GBF1: variants seen among roughly 807,000 people sequenced by gnomAD.
GBF1 encodes golgi brefeldin A resistant guanine nucleotide exchange factor 1.
In GBF1, 114 loss-of-function variants were observed where a neutral mutation model predicts 210.5. The ratio of observed to expected loss-of-function variants is 0.54; its 90% CI spans 0.47 to 0.63. The LOEUF (loss-of-function observed/expected upper bound fraction) is 0.63. Ranked by LOEUF, GBF1 falls within the 30% of genes least tolerant of loss-of-function variation. The pLI is 0.00. For missense variants in GBF1, 1,851 were observed against 2,357.7 expected, an observed-to-expected ratio of 0.79 and a Z score of 4.45; for synonymous variants, 850 against 889.2, an observed-to-expected ratio of 0.96 and a Z score of 0.78.
chr10:102,311,323 G>A (rs770632739), intron 3 of GBF1, among the ~76,000 whole-genome samples: 9 of 152,242 alleles, frequency 5.9e-5, no homozygotes, highest in Non-Finnish European at 1.0e-4. Context: ...TAACGCGGCT[G>A]TGAAGAAAGG....
rs146176839 is a variant in GBF1, at chr10:102,370,816, C to T, written c.3616C>T (p.Arg1206Cys). 2.5e-4 allele frequency: 401 copies of T among 1,614,134 alleles called. 2 individuals carry two copies. The East Asian group carries it at 7.0e-3, about 28-fold the overall frequency. Residue 1206 changes from arginine to cysteine, a missense_variant, in exon 29 of 40, where the codon CGC (arginine) becomes TGC (cysteine). By Grantham distance (180) the Arg-to-Cys change is radical. Around this residue, in one of 3 missense-constraint regions of GBF1, gnomAD observed 967 missense variants for 1,247.7 expected, o/e 0.78. Coordinates refer to ENST00000369983, the MANE Select transcript of GBF1 (RefSeq NM_001377137.1). The stretch of plus-strand genomic sequence containing the variant: ...GGAGCGGGCAGTGGTGGGGTTGCTA[C>T]GCCTGGCCATTCGGCTTCTCCGGAG... ...LVERAVVGLL[R>C]LAIRLLRREE...
intron 3 of GBF1, among the ~76,000 whole-genome samples, chr10:102,300,877 T>G (rs1438009164): frequency 6.6e-6 from 1 of 152,170 alleles, no homozygotes; most frequent in Non-Finnish European, 1.5e-5. Flanking sequence ...TAGCCTATTG[T>G]TTTATTTTGG....
At chr10:102,356,744 G>T (rs955037505) in intron 8 of GBF1, among the ~76,000 whole-genome samples, 1 of 147,842 alleles carries the variant, frequency 6.8e-6, no homozygotes, top group African/African-American at 2.5e-5. Context: ...TCCAGCCTGG[G>T]TGGCACAGTG....
chr10:102,235,560 A>G, the GBF1 span, among the ~76,000 whole-genome samples: 1 of 152,194 alleles, frequency 6.6e-6, no homozygotes, highest in Non-Finnish European at 1.5e-5. Context: ...CAGTGTTGTT[A>G]TAAGGTTTAG....
chr10:102,373,189 T>C (rs949555272), intron 29 of GBF1, among the ~76,000 whole-genome samples: 1 of 152,032 alleles, frequency 6.6e-6, no homozygotes, highest in Non-Finnish European at 1.5e-5. Flanking sequence ...TAATAGAAAA[T>C]GGACAAAACA....
At chr10:102,256,169 T>G (rs947185183) in intron 1 of GBF1, among the ~76,000 whole-genome samples, 2 of 152,148 alleles carry the variant, frequency 1.3e-5, no homozygotes, top group African/African-American at 4.8e-5. Context: ...GGTCTCGAAC[T>G]CCTGGGCTCA....
rs1258466260 is a variant in GBF1, at chr10:102,363,307, C to A, written c.1928C>A (p.Pro643Gln). 6.2e-7 allele frequency: 1 copy of A among 1,613,674 alleles called. No homozygotes were observed. The highest frequency in any genetic ancestry group is 1.7e-5 in the Admixed American group (1 of 60,026). ...GKAVGMASDI[P>Q]GLHLPGGGRL... is the part of the protein sequence containing the mutation. Reference sequence around the variant, plus strand: ...GCTGTAGGCATGGCCTCAGACATCCCAGGCCTGCATCTGCCAGGTGGAGGG... The same window carrying A: ...GCTGTAGGCATGGCCTCAGACATCCAAGGCCTGCATCTGCCAGGTGGAGGG... Residue 643 changes from proline to glutamine, a missense_variant, in exon 16 of 40, where the codon CCA (proline) becomes CAA (glutamine). Physicochemically the swap from Pro to Gln is moderately conservative, Grantham distance 76 (BLOSUM62 -1). Around this residue, in one of 3 missense-constraint regions of GBF1, gnomAD observed 804 missense variants for 958.6 expected, o/e 0.84. Transcript: ENST00000369983. The surrounding 1 kb of genome is among the most constrained non-coding windows in gnomAD (Gnocchi z 4.2).
At position 102,300,120 on chromosome 10, in the gene GBF1, A is replaced by G. The variant is rs534850229; in HGVS notation, c.163+40004A>G. On this transcript the variant is annotated intron_variant, in intron 3 of 39. Transcript: ENST00000369983. ...CCTAGTATTTCTGGAGTATCTTGCA[A>G]CTGACTTCTTGTCTGGCTGCATATA... 7.9e-5 allele frequency among the ~76,000 whole-genome samples: 12 copies of G among 152,300 alleles called. No individual in the cohort carries two copies. The East Asian group carries it at 1.9e-3, about 24-fold the overall frequency.
At chr10:102,291,983 G>A (rs1043525553) in intron 3 of GBF1, among the ~76,000 whole-genome samples, 2 of 148,430 alleles carry the variant, frequency 1.3e-5, no homozygotes, top group Non-Finnish European at 3.0e-5. Context: ...TCCACCTCTC[G>A]GGTTCATGCC....
In GBF1 at chr10:102,361,710, A is replaced by G. The variant is rs1340767076; in HGVS notation, c.1492-8A>G. The G allele has an allele frequency of 6.4e-7, 1 of 1,555,020 alleles. No homozygotes were observed. The highest frequency in any genetic ancestry group is 1.2e-5 in the South Asian group (1 of 84,230). The stretch of plus-strand genomic sequence containing the variant: ...CCACCCAAATGGCAATTACTGGGTT[A>G]TTGCCAGATGTACATCAAAAAGCTT... On this transcript the variant is annotated splice_polypyrimidine_tract_variant and splice_region_variant and intron_variant, in intron 13 of 39. Coordinates refer to ENST00000369983, the MANE Select transcript of GBF1 (RefSeq NM_001377137.1).
chr10:102,353,471 T>C (rs768500215), intron 7 of GBF1, 129 bp from the exon 8 acceptor site: 58 of 733,694 alleles, frequency 7.9e-5, no homozygotes, highest in Non-Finnish European at 1.3e-4. Flanking sequence ...ATTAGTCTGC[T>C]TCTCTTTTGT....
At chr10:102,250,396 A>C (rs772094135) in intron 1 of GBF1, among the ~76,000 whole-genome samples, 1 of 151,728 alleles carries the variant, frequency 6.6e-6, no homozygotes, top group African/African-American at 2.4e-5. Flanking sequence ...GGATTTTACT[A>C]TGTTGCCCAG....
chr10:102,231,967 G>T, the GBF1 span: 13 of 1,608,358 alleles, frequency 8.1e-6, 1 homozygote, highest in South Asian at 1.2e-4. Context: ...GCTTACCGCT[G>T]TGCTCCTGGC....
intron 8 of GBF1, among the ~76,000 whole-genome samples, chr10:102,357,813 A>G (rs1268277636): frequency 6.6e-6 from 1 of 152,232 alleles, no homozygotes; most frequent in Non-Finnish European, 1.5e-5. Flanking sequence ...GCCCAGAAAC[A>G]GAATGTCACC....
chr10:102,301,212 G>C (rs1366657899), intron 3 of GBF1, among the ~76,000 whole-genome samples: 1 of 152,096 alleles, frequency 6.6e-6, no homozygotes, highest in Admixed American at 6.6e-5. Flanking sequence ...TCAAGCATCT[G>C]TTTAACAAAG....
chr10:102,317,132 A>G (rs920775098), intron 3 of GBF1, among the ~76,000 whole-genome samples: 16 of 152,096 alleles, frequency 1.1e-4, no homozygotes. Flanking sequence ...TTAAAAAATA[A>G]CATTTAGTAG....
chr10:102,266,057 G>T (rs1024826555), intron 3 of GBF1, among the ~76,000 whole-genome samples: 1 of 152,150 alleles, frequency 6.6e-6, no homozygotes, highest in Non-Finnish European at 1.5e-5. Flanking sequence ...CGAACACGGT[G>T]AAACCCCGTC....
At chr10:102,306,178 TCAAA>T (rs1330594641) in intron 3 of GBF1, among the ~76,000 whole-genome samples, 2 of 152,216 alleles carry the variant, frequency 1.3e-5, no homozygotes, top group Non-Finnish European at 2.9e-5. Context: ...GCTGCACTAC[TCAAA>T]CACACACATA....
At chr10:102,349,697 C>G (rs1445233659) in intron 4 of GBF1, among the ~76,000 whole-genome samples, 1 of 152,156 alleles carries the variant, frequency 6.6e-6, no homozygotes, top group African/African-American at 2.4e-5. Flanking sequence ...CTTAGGCTCC[C>G]CCTTTAGAAC....
Sources: gnomAD v4.1 joint callset for allele counts (sites outside exome capture counted in the v4.1 genomes callset) on GRCh38, gnomAD v4.1.1 for gene constraint, gnomAD v4.1.1 regional missense constraint, Gnocchi (gnomAD v3.1) non-coding constraint, MANE v1.5 for transcripts, NCBI Gene and HGNC (gene_info 2026-07-23, HGNC 2026-07-21) for gene names.